The following MYT1L variants were observed in gnomAD, a reference collection of about 807,000 sequenced individuals.
The protein encoded by MYT1L is myelin transcription factor 1-like protein.
MYT1L carries 12 observed loss-of-function variants against 126.7 expected under a neutral mutation model. The ratio of observed to expected loss-of-function variants is 0.09; its 90% confidence interval spans 0.06 to 0.15. The LOEUF (loss-of-function observed/expected upper bound fraction) is 0.15. MYT1L is among the 10% of genes least tolerant of loss of function. The probability of loss-of-function intolerance (pLI) is 1.00; values close to 1 mark genes in which losing one functional copy is unlikely to be tolerated. For missense variants in MYT1L, 979 were observed against 1,585.2 expected (o/e 0.62, Z 6.49); for synonymous variants, 541 against 604.2 (o/e 0.90, Z 1.53).
chr2:1,792,522 C>A lies in MYT1L; in HGVS notation c.3277-58G>T. On this transcript the variant is annotated intron_variant, in intron 23 of 24. Transcript: ENST00000647738. ...CCAGGAGGACCTAGGAGCGCGTGGT[C>A]GTTGCCGGGGGCCACAGTCTACTGG... is the stretch of plus-strand genomic sequence containing the variant. 3 of 1,554,200 alleles carry A rather than the reference C, an allele frequency of 1.9e-6. No homozygotes were observed. The South Asian group carries it at 3.6e-5, about 19-fold the overall frequency.
intron 19 of MYT1L, among the ~76,000 whole-genome samples, chr2:1,851,097 T>C (rs1165088585): frequency 6.6e-6 from 1 of 152,196 alleles, no homozygotes; most frequent in Non-Finnish European, 1.5e-5. Context: ...TCAAGTGGTA[T>C]AGAATTTTTG....
At chr2:1,930,832 G>A (rs1283940799) in intron 9 of MYT1L, among the ~76,000 whole-genome samples, 4 of 152,158 alleles carry the variant, frequency 2.6e-5, no homozygotes, top group African/African-American at 9.7e-5. Flanking sequence ...AGGTAAACGC[G>A]TGTTGCAGGG....
intron 18 of MYT1L, among the ~76,000 whole-genome samples, chr2:1,884,390 C>T (rs2047928948): frequency 1.3e-5 from 2 of 152,142 alleles, no homozygotes; most frequent in South Asian, 2.1e-4. Flanking sequence ...AAAGTTGTTG[C>T]GAGTCATGAG....
At chr2:1,798,215 C>T (rs867653653) in intron 23 of MYT1L, among the ~76,000 whole-genome samples, 991 of 72,672 alleles carry the variant, frequency 0.014, 164 homozygotes, top group African/African-American at 0.049. Flanking sequence ...ACAGGCGCGG[C>T]GGTCTCCCTC....
In MYT1L at chr2:2,062,007, C is replaced by T. The variant is rs2070579092; in HGVS notation, c.-303-7884G>A. ...CAGACCCTACACGAATGCGTCTCTA[C>T]CACAGGGGGCTGCGCGGTTTCCCAT... On this transcript the variant is annotated intron_variant, in intron 3 of 24. Coordinates refer to ENST00000647738, the MANE Select transcript of MYT1L (RefSeq NM_001303052.2). Among the ~76,000 whole-genome samples the T allele has an allele frequency of 2.0e-5, 3 of 152,288 alleles. No homozygotes were observed. The South Asian group carries it at 6.2e-4, about 32-fold the overall frequency.
intron 2 of MYT1L, among the ~76,000 whole-genome samples, chr2:2,178,175 A>C (rs2091038098): frequency 6.6e-6 from 1 of 152,184 alleles, no homozygotes; most frequent in Non-Finnish European, 1.5e-5. Context: ...TTAATGATTT[A>C]TCTATTAGTA....
intron 2 of MYT1L, among the ~76,000 whole-genome samples, chr2:2,175,308 G>A (rs769513289): frequency 3.9e-5 from 6 of 152,158 alleles, no homozygotes; most frequent in Middle Eastern, 3.4e-3. Flanking sequence ...ATTCTTTCCT[G>A]CTATCATTGC....
chr2:2,175,009 T>C (rs562149792), intron 2 of MYT1L, among the ~76,000 whole-genome samples: 32 of 152,234 alleles, frequency 2.1e-4, no homozygotes, highest in African/African-American at 7.2e-4. Context: ...TAGAGAAGTG[T>C]GGTGCTCTCC....
chr2:1,897,463 TG>T (rs1419643768), intron 14 of MYT1L, among the ~76,000 whole-genome samples: 49 of 150,478 alleles, frequency 3.3e-4, no homozygotes, highest in African/African-American at 1.1e-3. Flanking sequence ...TTTTTTTTTT[TG>T]TTTGTTTGTT....
chr2:2,010,542 A>C (rs551707297), intron 4 of MYT1L, among the ~76,000 whole-genome samples: 8 of 152,108 alleles, frequency 5.3e-5, no homozygotes, highest in African/African-American at 1.7e-4. Flanking sequence ...CAGATTCATT[A>C]TATTGGATCA....
intron 8 of MYT1L, among the ~76,000 whole-genome samples, chr2:1,946,240 T>C (rs1039158655): frequency 3.3e-5 from 5 of 152,030 alleles, no homozygotes; most frequent in Non-Finnish European, 7.4e-5. Context: ...TGGGACCATC[T>C]AGTTGCAGAA....
At chr2:2,216,041 C>CTG (rs1235880874) in intron 2 of MYT1L, among the ~76,000 whole-genome samples, 2 of 150,048 alleles carry the variant, frequency 1.3e-5, no homozygotes, top group African/African-American at 4.9e-5. Context: ...GTCTGTCTGT[C>CTG]TGTCTCTCTC....
chr2:1,970,729 A>G (rs1056102439), intron 8 of MYT1L, among the ~76,000 whole-genome samples: 1 of 152,104 alleles, frequency 6.6e-6, no homozygotes, highest in Non-Finnish European at 1.5e-5. Flanking sequence ...GAATCCCCAC[A>G]TGGATGAGGG....
intron 1 of MYT1L, among the ~76,000 whole-genome samples, chr2:2,312,487 C>G (rs1376273131): frequency 6.6e-6 from 1 of 151,982 alleles, no homozygotes; most frequent in Non-Finnish European, 1.5e-5. Flanking sequence ...GTGACATGCA[C>G]CTGCAGTCCC....
At chr2:1,962,250 G>A (rs1024947100) in intron 8 of MYT1L, among the ~76,000 whole-genome samples, 39 of 152,092 alleles carry the variant, frequency 2.6e-4, no homozygotes, top group African/African-American at 8.9e-4. Flanking sequence ...ACCCCAGAGA[G>A]GCACAAAAAT....
At chr2:1,947,967 G>T (rs916254924) in intron 8 of MYT1L, among the ~76,000 whole-genome samples, 5 of 152,236 alleles carry the variant, frequency 3.3e-5, no homozygotes, top group African/African-American at 9.6e-5. Flanking sequence ...CAGGCTTGGT[G>T]TTGTTAACAC....
At chr2:2,156,758 C>A (rs760134989) in intron 3 of MYT1L, among the ~76,000 whole-genome samples, 1 of 152,176 alleles carries the variant, frequency 6.6e-6, no homozygotes, top group Non-Finnish European at 1.5e-5. Flanking sequence ...CCAGGGACAC[C>A]TGACATCACA....
chr2:2,306,433 G>A (rs1438118982), intron 1 of MYT1L, among the ~76,000 whole-genome samples: 1 of 152,078 alleles, frequency 6.6e-6, no homozygotes, highest in South Asian at 2.1e-4. Context: ...ATAGGAGTCT[G>A]GACGTCTGGC....
At chr2:1,818,107 G>A (rs959884268) in intron 21 of MYT1L, among the ~76,000 whole-genome samples, 1 of 152,224 alleles carries the variant, frequency 6.6e-6, no homozygotes, top group African/African-American at 2.4e-5. Flanking sequence ...CAGGACATCA[G>A]CTAGAAGGGC....
Sources: gnomAD v4.1 joint callset for allele counts (sites outside exome capture counted in the v4.1 genomes callset) on GRCh38, gnomAD v4.1.1 for gene constraint, MANE v1.5 for transcripts, NCBI Gene and HGNC (gene_info 2026-07-23, HGNC 2026-07-21) for gene names.